TTLL5: variants seen among roughly 807,000 people sequenced by gnomAD.
The protein encoded by TTLL5 is tubulin polyglutamylase TTLL5.
A neutral mutation model predicts 168.4 loss-of-function variants in TTLL5; 132 were observed. The observed-to-expected ratio is 0.78, with a 90% confidence interval of 0.68 to 0.91. TTLL5 has a LOEUF of 0.91. Among genes scored for constraint, TTLL5 ranks in the 40% least tolerant of loss-of-function variants. TTLL5 has a pLI of 0.00. For synonymous variants in TTLL5, 546 were observed against 558.6 expected, an observed-to-expected ratio of 0.98 and a Z score of 0.32; for missense variants, 1,545 against 1,581.5, an observed-to-expected ratio of 0.98 and a Z score of 0.39.
chr14:75,752,285 C>G (rs1890001643), intron 17 of TTLL5, among the ~76,000 whole-genome samples: 2 of 152,184 alleles, frequency 1.3e-5, no homozygotes, highest in South Asian at 4.1e-4. Context: ...TGCTCTGGTT[C>G]AAATGCCTCT....
At chr14:75,915,316 A>G (rs1269357731) in intron 31 of TTLL5, among the ~76,000 whole-genome samples, 1 of 152,238 alleles carries the variant, frequency 6.6e-6, no homozygotes, top group Non-Finnish European at 1.5e-5. Flanking sequence ...TTCCGGAGTC[A>G]TATGTTACAC....
At position 75,766,309 on chromosome 14, in the gene TTLL5, T is replaced by A. The variant is rs1890967114; in HGVS notation, c.1956T>A (p.Thr652=). The A allele has an allele frequency of 6.2e-7, 1 of 1,613,888 alleles. No homozygotes were observed. The highest frequency in any genetic ancestry group is 8.5e-7 in the Non-Finnish European group (1 of 1,179,980). ...GTGGACACTGCTGCAAACTTGAGAC[T>A]CAGGAGCTAGAGCCTAAATTTAACC... ...NKGGHCCKLE[T]QELEPKFNLM... is the part of the protein sequence containing the mutation. The change falls in exon 20 of 32, where the codon ACT becomes ACA. Residue 652 remains threonine, a synonymous_variant. Transcript: ENST00000298832.
At chr14:75,778,417 G>A (rs1407203867) in intron 23 of TTLL5, among the ~76,000 whole-genome samples, 1 of 152,196 alleles carries the variant, frequency 6.6e-6, no homozygotes, top group African/African-American at 2.4e-5. Flanking sequence ...TTGACCAACC[G>A]TAACCTTTGC....
At chr14:75,769,805 T>A (rs1267851488) in intron 20 of TTLL5, among the ~76,000 whole-genome samples, 1 of 152,166 alleles carries the variant, frequency 6.6e-6, no homozygotes, top group African/African-American at 2.4e-5. Context: ...ACAAAGCTTA[T>A]AGGATTGATT....
In TTLL5 at chr14:75,732,002, T is replaced by C. The variant is rs1888580139; in HGVS notation, c.1043-336T>C. On this transcript the variant is annotated intron_variant, in intron 12 of 31. Transcript: ENST00000298832. ...TTGTTTCATTCCTTTCCCCGCCTCT[T>C]TTTTTTTTTTTTTTTTACGCCCATA... 3.4e-5 allele frequency among the ~76,000 whole-genome samples: 5 copies of C among 145,420 alleles called. No individual in the cohort carries two copies. The South Asian group carries it at 8.6e-4, about 25-fold the overall frequency.
chr14:75,798,569 GCTCTTT>G (rs1258231467), intron 27 of TTLL5, among the ~76,000 whole-genome samples: 1 of 151,826 alleles, frequency 6.6e-6, no homozygotes, highest in Non-Finnish European at 1.5e-5. Flanking sequence ...GTCTATTTGA[GCTCTTT>G]CAGGCTTTTT....
intron 28 of TTLL5, among the ~76,000 whole-genome samples, chr14:75,854,713 T>C (rs74317569): frequency 0.011 from 1,721 of 152,336 alleles, 31 homozygotes; most frequent in African/African-American, 0.038. Context: ...TGTTAGTAGA[T>C]GTAAGATGTT....
intron 7 of TTLL5, among the ~76,000 whole-genome samples, chr14:75,702,825 T>A (rs184921886): frequency 6.6e-6 from 1 of 152,268 alleles, no homozygotes; most frequent in East Asian, 1.9e-4. Flanking sequence ...AGTCTGATTC[T>A]TTTAGGTATT....
At chr14:75,888,480 T>C (rs755171715) in intron 30 of TTLL5, among the ~76,000 whole-genome samples, 1 of 152,236 alleles carries the variant, frequency 6.6e-6, no homozygotes, top group Non-Finnish European at 1.5e-5. Context: ...TAAAAGATTT[T>C]GGCAGGAATT....
At chr14:75,710,651 G>A (rs1171238736) in intron 9 of TTLL5, 1 of 152,218 alleles carries the variant, frequency 6.6e-6, no homozygotes, top group Non-Finnish European at 1.5e-5. Flanking sequence ...ATTGTTCCGT[G>A]CAGTAATTTC....
rs770500674 is a variant in TTLL5 at position 75,902,179 on chromosome 14, A to G, written c.3778A>G (p.Ser1260Gly). 1.2e-5 allele frequency: 19 copies of G among 1,614,150 alleles called. No homozygotes were observed. Among genetic ancestry groups the G allele is most frequent in the Non-Finnish European group, 1.4e-5 (17 of 1,180,012 alleles). ...GGAAGGGCAGCTGAATGGACTCCAG[A>G]GCAGCCTTAACCCTGCAGCCTTTGT... Reference protein sequence around the residue: ...SAEGQLNGLQSSLNPAAFVPI... With the variant: ...SAEGQLNGLQGSLNPAAFVPI... The change falls in exon 31 of 32, where the codon AGC (serine) becomes GGC (glycine). Residue 1260 changes from serine to glycine, a missense_variant. Ser to Gly is a moderately conservative substitution (Grantham distance 56, BLOSUM62 0). Transcript: ENST00000298832.
chr14:75,938,983 C>T (rs1417081961), intron 31 of TTLL5, among the ~76,000 whole-genome samples: 1 of 152,188 alleles, frequency 6.6e-6, no homozygotes, highest in African/African-American at 2.4e-5. Context: ...TTTAACGGGT[C>T]GCAACCAGGC....
intron 31 of TTLL5, among the ~76,000 whole-genome samples, 172 bp from the exon 32 acceptor site, chr14:75,954,252 C>CAAA (rs56396876): frequency 3.2e-4 from 24 of 74,512 alleles, no homozygotes; most frequent in South Asian, 1.1e-3. Context: ...GACTCCATCT[C>CAAA]AAAAAAAAAA....
chr14:75,805,449 A>T (rs1893596255), intron 27 of TTLL5, among the ~76,000 whole-genome samples: 1 of 152,152 alleles, frequency 6.6e-6, no homozygotes. Context: ...CCTCCAGCAT[A>T]TCTCTGAATT....
intron 9 of TTLL5, among the ~76,000 whole-genome samples, chr14:75,716,089 C>T (rs2140193491): frequency 6.6e-6 from 1 of 152,226 alleles, no homozygotes; most frequent in East Asian, 1.9e-4. Flanking sequence ...CACGGGGCCC[C>T]TTTGCATCTC....
intron 18 of TTLL5, among the ~76,000 whole-genome samples, chr14:75,758,439 A>G (rs940122640): frequency 3.9e-5 from 6 of 152,210 alleles, no homozygotes; most frequent in Admixed American, 3.3e-4. Flanking sequence ...AGTTTTCTCC[A>G]GTTTTGAGTC....
intron 31 of TTLL5, among the ~76,000 whole-genome samples, chr14:75,928,848 G>A (rs1484509590): frequency 6.6e-6 from 1 of 152,126 alleles, no homozygotes; most frequent in East Asian, 1.9e-4. Flanking sequence ...GGTTAATCCT[G>A]CTATTTCATT....
intron 10 of TTLL5, among the ~76,000 whole-genome samples, chr14:75,718,494 TA>T (rs1887616379): frequency 6.6e-6 from 1 of 152,164 alleles, no homozygotes; most frequent in Non-Finnish European, 1.5e-5. Context: ...ATGAGATATC[TA>T]AAGCTGCTTA....
intron 31 of TTLL5, among the ~76,000 whole-genome samples, chr14:75,922,841 T>C (rs2033876371): frequency 6.6e-6 from 1 of 152,184 alleles, no homozygotes; most frequent in Admixed American, 6.5e-5. Flanking sequence ...AGAATTCGGC[T>C]GTGAGTCCGA....
Sources: allele counts gnomAD v4.1 joint callset (sites outside exome capture counted in the v4.1 genomes callset), GRCh38; gene constraint gnomAD v4.1.1; transcripts MANE v1.5; gene names NCBI Gene and HGNC (gene_info 2026-07-23, HGNC 2026-07-21).